Variants in COMMD1 observed in about 807,000 individuals in gnomAD.
COMMD1 encodes copper metabolism domain containing 1, also known as COMM domain-containing protein 1.
A neutral mutation model predicts 17.2 loss-of-function variants in COMMD1; 10 were observed. The ratio of observed to expected loss-of-function variants is 0.58; its 90% confidence interval spans 0.36 to 0.99. The LOEUF (loss-of-function observed/expected upper bound fraction) is 0.99, where lower values mean the gene tolerates loss of function less well. Among genes scored for constraint, COMMD1 ranks in the 50% least tolerant of loss-of-function variants. COMMD1 has a pLI of 0.01. For synonymous variants in COMMD1, 97 were observed against 91.6 expected (o/e 1.06, Z -0.34); for missense variants, 270 against 231.8 (o/e 1.17, Z -1.07).
chr2:61,933,821 T>A (rs1348420548), intron 1 of COMMD1, among the ~76,000 whole-genome samples: 2 of 151,310 alleles, frequency 1.3e-5, no homozygotes, highest in African/African-American at 4.9e-5. Context: ...TGGAGTGCAA[T>A]GGTGTGATCT....
chr2:62,122,727 A>T (rs555966608), intron 2 of COMMD1, among the ~76,000 whole-genome samples: 11 of 149,744 alleles, frequency 7.3e-5, no homozygotes, highest in Non-Finnish European at 1.5e-4. Context: ...CAGGACAGGA[A>T]TATCTATCTA....
chr2:62,127,482 CA>C (rs1238621238), intron 2 of COMMD1, among the ~76,000 whole-genome samples: 1 of 152,124 alleles, frequency 6.6e-6, no homozygotes. Context: ...AACTATACTA[CA>C]AGGCCACAAT....
chr2:61,967,592 T>C (rs1671538187), intron 1 of COMMD1, among the ~76,000 whole-genome samples: 1 of 152,184 alleles, frequency 6.6e-6, no homozygotes, highest in South Asian at 2.1e-4. Context: ...GCCTGATACA[T>C]AGTAGGCAGG....
chr2:61,968,943 G>GACTT (rs1364934536), intron 1 of COMMD1: 3 of 273,112 alleles, frequency 1.1e-5, no homozygotes, highest in Non-Finnish European at 1.5e-5. Context: ...TCTTTATTTA[G>GACTT]TCTTTTTTTT....
At chr2:62,089,493 A>T (rs1043963562) in intron 2 of COMMD1, among the ~76,000 whole-genome samples, 2 of 152,062 alleles carry the variant, frequency 1.3e-5, no homozygotes, top group Non-Finnish European at 2.9e-5. Context: ...CATGTTGGCC[A>T]GGCTGGTCTC....
intron 1 of COMMD1, among the ~76,000 whole-genome samples, chr2:61,976,198 TAAA>T (rs200120465): frequency 8.1e-6 from 1 of 122,896 alleles, no homozygotes. Context: ...ATAGAGTAAC[TAAA>T]AAAAAAAAAA....
At chr2:61,909,704 A>G (rs1267951342) in intron 1 of COMMD1, among the ~76,000 whole-genome samples, 1 of 152,224 alleles carries the variant, frequency 6.6e-6, no homozygotes, top group Non-Finnish European at 1.5e-5. Flanking sequence ...ACTTTCAGTT[A>G]TCTATGTAAT....
At chr2:62,047,229 T>C (rs1042708376) in intron 2 of COMMD1, among the ~76,000 whole-genome samples, 23 of 152,214 alleles carry the variant, frequency 1.5e-4, no homozygotes, top group African/African-American at 5.5e-4. Context: ...GCTGGTCCCA[T>C]AAGACTGTAA....
chr2:62,122,752 C>G (rs1672783748), intron 2 of COMMD1, among the ~76,000 whole-genome samples: 1 of 152,216 alleles, frequency 6.6e-6, no homozygotes, highest in South Asian at 2.1e-4. Context: ...AATTATGGCT[C>G]TAGCTTTTTT....
At chr2:61,985,982 A>G (rs776480471) in intron 1 of COMMD1, among the ~76,000 whole-genome samples, 20 of 152,212 alleles carry the variant, frequency 1.3e-4, no homozygotes, top group Middle Eastern at 6.8e-3. Flanking sequence ...TTACCTTCAG[A>G]TGATTTCTTA....
At chr2:61,909,425 A>C (rs550864334) in intron 1 of COMMD1, among the ~76,000 whole-genome samples, 2 of 152,290 alleles carry the variant, frequency 1.3e-5, no homozygotes, top group South Asian at 4.1e-4. Context: ...GCCCTTGAAG[A>C]AAGTATAGCA....
intron 2 of COMMD1, among the ~76,000 whole-genome samples, chr2:62,003,605 TACACACACACACACACACAC>T (rs57628894): frequency 1.4e-5 from 2 of 146,164 alleles, no homozygotes; most frequent in African/African-American, 5.0e-5. Flanking sequence ...CAGATATTTT[TACACACACACACACACACAC>T]ACACACACAC....
At chr2:61,992,710 C>G (rs1161889670) in intron 1 of COMMD1, among the ~76,000 whole-genome samples, 1 of 152,170 alleles carries the variant, frequency 6.6e-6, no homozygotes, top group Non-Finnish European at 1.5e-5. Flanking sequence ...CACTGTGAAA[C>G]CAAATGTAGC....
chr2:61,901,245 C>A (rs1187180933), upstream of COMMD1, among the ~76,000 whole-genome samples: 1 of 151,768 alleles, frequency 6.6e-6, no homozygotes, highest in Non-Finnish European at 1.5e-5. Context: ...CTGCGCACGA[C>A]CAAAACACAT....
Position 61,905,698 on chromosome 2 carries a change from A to T in COMMD1, c.20A>T (p.Glu7Val). The T allele has an allele frequency of 6.3e-7, 1 of 1,580,792 alleles. No individual in the cohort carries two copies. Among genetic ancestry groups the T allele is most frequent in the Non-Finnish European group, 8.6e-7 (1 of 1,161,530 alleles). MAAGEL[E>V]GGKPLSGLLN... ...CAGAGCATGGCGGCGGGCGAGCTTGAGGGTGGCAAACCCCTGAGCGGGCTG... is the reference window on the plus strand; with the variant it reads ...CAGAGCATGGCGGCGGGCGAGCTTGTGGGTGGCAAACCCCTGAGCGGGCTG... The change falls in exon 1 of 3, where the codon GAG becomes GTG. Residue 7 changes from glutamate to valine, a missense_variant. By Grantham distance (121) the Glu-to-Val change is moderately radical. Transcript: ENST00000311832.
intron 2 of COMMD1, among the ~76,000 whole-genome samples, chr2:62,117,013 A>T (rs1672628149): frequency 6.6e-6 from 1 of 151,990 alleles, no homozygotes; most frequent in Admixed American, 6.6e-5. Flanking sequence ...AAAAAAAAAA[A>T]AATGACAAAG....
intron 1 of COMMD1, among the ~76,000 whole-genome samples, chr2:61,936,688 C>T (rs1239875400): frequency 2.0e-5 from 3 of 152,180 alleles, no homozygotes; most frequent in African/African-American, 7.2e-5. Context: ...CCTGCCTTGG[C>T]TGCTGAAGTG....
intron 2 of COMMD1, among the ~76,000 whole-genome samples, chr2:62,065,613 C>T (rs1208978674): frequency 6.6e-6 from 1 of 152,082 alleles, no homozygotes; most frequent in Non-Finnish European, 1.5e-5. Context: ...AGCCACCACA[C>T]CTGGCCCTTA....
intron 2 of COMMD1, among the ~76,000 whole-genome samples, chr2:62,093,062 G>T (rs928200631): frequency 1.3e-5 from 2 of 152,184 alleles, no homozygotes; most frequent in African/African-American, 4.8e-5. Flanking sequence ...GAGTCCCATG[G>T]TCACTGTGCA....
Sources: allele counts gnomAD v4.1 joint callset (sites outside exome capture counted in the v4.1 genomes callset), GRCh38; gene constraint gnomAD v4.1.1; transcripts MANE v1.5; gene names NCBI Gene and HGNC (gene_info 2026-07-23, HGNC 2026-07-21).